The following SPOCK1 variants were observed in gnomAD, a reference collection of about 807,000 sequenced individuals.
SPOCK1 encodes the protein testican-1.
A neutral mutation model predicts 55.3 loss-of-function variants in SPOCK1; 23 were observed. The ratio of observed to expected loss-of-function variants is 0.42; its 90% CI spans 0.30 to 0.59. The LOEUF (loss-of-function observed/expected upper bound fraction) is 0.59, where lower values mean the gene tolerates loss of function less well. Ranked by LOEUF, SPOCK1 falls within the 20% of genes least tolerant of loss-of-function variation. The pLI is 0.22. For missense variants in SPOCK1, 499 were observed against 552.5 expected (o/e 0.90, Z 0.97); for synonymous variants, 226 against 221.0 (o/e 1.02, Z -0.20).
intron 9 of SPOCK1, among the ~76,000 whole-genome samples, chr5:136,983,811 T>C (rs1388506175): frequency 1.3e-5 from 2 of 152,244 alleles, no homozygotes; most frequent in South Asian, 4.1e-4. Context: ...GTAATCTCCA[T>C]ATGTGGGAAA....
chr5:137,131,313 AAAG>A (rs1580766982), intron 4 of SPOCK1, among the ~76,000 whole-genome samples: 1 of 152,270 alleles, frequency 6.6e-6, no homozygotes, highest in Non-Finnish European at 1.5e-5. Flanking sequence ...AACTTTTATA[AAAG>A]AAGATTATAT....
At chr5:137,417,952 C>G (rs1000180648) in intron 2 of SPOCK1, among the ~76,000 whole-genome samples, 9 of 152,138 alleles carry the variant, frequency 5.9e-5, no homozygotes, top group African/African-American at 2.2e-4. Flanking sequence ...TATTCCTCCC[C>G]CCTCCCGCTA....
chr5:137,436,088 G>A (rs1752858945), intron 2 of SPOCK1, among the ~76,000 whole-genome samples: 1 of 152,132 alleles, frequency 6.6e-6, no homozygotes, highest in Non-Finnish European at 1.5e-5. Context: ...AACCCAGGAG[G>A]TGGAGGTTGC....
intron 5 of SPOCK1, among the ~76,000 whole-genome samples, chr5:137,083,112 G>A (rs1467929278): frequency 1.3e-5 from 2 of 152,160 alleles, no homozygotes; most frequent in African/African-American, 4.8e-5. Flanking sequence ...CAATATGTGT[G>A]CTCCCGTTTT....
chr5:137,368,901 C>T (rs536325937), intron 2 of SPOCK1, among the ~76,000 whole-genome samples: 5 of 152,294 alleles, frequency 3.3e-5, no homozygotes, highest in African/African-American at 1.2e-4. Context: ...CACAGAGCAG[C>T]GGGGTTCGTG....
chr5:137,104,081 T>TA (rs1403063952), intron 5 of SPOCK1, among the ~76,000 whole-genome samples: 1 of 152,252 alleles, frequency 6.6e-6, no homozygotes, highest in African/African-American at 2.4e-5. Flanking sequence ...TGATATGGTT[T>TA]GGATCTGTGT....
At chr5:137,125,274 T>G (rs1753765842) in intron 4 of SPOCK1, among the ~76,000 whole-genome samples, 1 of 152,112 alleles carries the variant, frequency 6.6e-6, no homozygotes, top group African/African-American at 2.4e-5. Flanking sequence ...AAGAGTGAAC[T>G]AGTCATGCCC....
chr5:137,396,906 C>T (rs1185876706), intron 2 of SPOCK1, among the ~76,000 whole-genome samples: 3 of 152,082 alleles, frequency 2.0e-5, no homozygotes, highest in Non-Finnish European at 2.9e-5. Flanking sequence ...AAAAATATAA[C>T]ACTAAGAACT....
At chr5:137,073,452 C>A (rs533819981) in intron 5 of SPOCK1, among the ~76,000 whole-genome samples, 9 of 152,278 alleles carry the variant, frequency 5.9e-5, no homozygotes, top group African/African-American at 1.9e-4. Flanking sequence ...TTTGACTACA[C>A]TTGAGAAACA....
At chr5:137,390,212 C>A (rs760030342) in intron 2 of SPOCK1, among the ~76,000 whole-genome samples, 4 of 152,070 alleles carry the variant, frequency 2.6e-5, no homozygotes, top group African/African-American at 7.2e-5. Context: ...TCAAAAATCC[C>A]CTATGGTCTG....
chr5:137,146,710 T>G (rs1561626487), intron 3 of SPOCK1, among the ~76,000 whole-genome samples: 1 of 152,168 alleles, frequency 6.6e-6, no homozygotes, highest in Non-Finnish European at 1.5e-5. Context: ...GAATATAAAA[T>G]AGAAGATTCT....
Position 137,187,974 on chromosome 5 carries a change from G to A in SPOCK1, c.233-47280C>T, listed in dbSNP as rs559873627. 4.6e-5 allele frequency among the ~76,000 whole-genome samples: 7 copies of A among 152,256 alleles called. No homozygotes were observed. In the East Asian group the frequency reaches 1.4e-3, roughly 29 times the overall value. ...GGCTCAAGAACGGGAGTTTTTAGAA[G>A]GTTATCCTTCCACCCCTTGGAGCAA... On this transcript the variant is annotated intron_variant, in intron 3 of 10. Transcript: ENST00000394945.
At chr5:137,371,736 TAAG>T (rs1352911922) in intron 2 of SPOCK1, among the ~76,000 whole-genome samples, 2 of 152,202 alleles carry the variant, frequency 1.3e-5, no homozygotes, top group Non-Finnish European at 2.9e-5. Context: ...CCCTGGATGA[TAAG>T]ATGATGATGA....
intron 2 of SPOCK1, among the ~76,000 whole-genome samples, chr5:137,323,315 G>C (rs1380809709): frequency 1.3e-5 from 2 of 152,162 alleles, no homozygotes; most frequent in African/African-American, 4.8e-5. Flanking sequence ...GGATGGAAGT[G>C]AAAGGGTGGA....
At chr5:137,278,822 G>A (rs866153640) in intron 2 of SPOCK1, among the ~76,000 whole-genome samples, 3 of 152,150 alleles carry the variant, frequency 2.0e-5, no homozygotes, top group East Asian at 1.9e-4. Flanking sequence ...TGGACAAGAC[G>A]GATGGTCCAG....
At chr5:137,296,800 G>T (rs1757495833) in intron 2 of SPOCK1, among the ~76,000 whole-genome samples, 1 of 152,210 alleles carries the variant, frequency 6.6e-6, no homozygotes, top group African/African-American at 2.4e-5. Flanking sequence ...ACAGGTGGGA[G>T]ACTGGGGACT....
rs941391229 is a variant in SPOCK1, at chr5:136,977,915, T to A, written c.*739A>T. The A allele has an allele frequency of 1.0e-5, 4 of 393,696 alleles. No individual in the cohort carries two copies. The highest frequency in any genetic ancestry group is 8.3e-5 in the African/African-American group (4 of 48,400). 24.4% of individuals were successfully genotyped at this position (393,696 alleles called of 1,614,324 possible). ...AAGCTGAGAAATTTATCATTGTTTTTCGAGTTTTTAAGATACCCAAACACT... is the reference window on the plus strand; with the variant it reads ...AAGCTGAGAAATTTATCATTGTTTTACGAGTTTTTAAGATACCCAAACACT... On this transcript the variant is annotated 3_prime_UTR_variant, in exon 11 of 11. Coordinates refer to ENST00000394945, the MANE Select transcript of SPOCK1 (RefSeq NM_004598.4).
chr5:137,168,913 A>G lies in SPOCK1; in HGVS notation c.233-28219T>C, dbSNP rs1222547634. On this transcript the variant is annotated intron_variant, in intron 3 of 10. Coordinates refer to ENST00000394945, the MANE Select transcript of SPOCK1 (RefSeq NM_004598.4). The stretch of plus-strand genomic sequence containing the variant: ...TGTGCACTCTCATGTTTATTGCAGC[A>G]TTATACACAATAGCCAGGATTTGAA... 2.0e-5 allele frequency among the ~76,000 whole-genome samples: 3 copies of G among 152,356 alleles called. No individual in the cohort carries two copies. In the East Asian group the frequency reaches 5.8e-4, roughly 29 times the overall value.
chr5:137,061,317 C>G (rs994976900), intron 6 of SPOCK1, among the ~76,000 whole-genome samples: 32 of 152,208 alleles, frequency 2.1e-4, no homozygotes, highest in African/African-American at 7.7e-4. Context: ...CCTCCTGTTC[C>G]CTTTTATCCA....
Sources: allele counts gnomAD v4.1 joint callset (sites outside exome capture counted in the v4.1 genomes callset), GRCh38; gene constraint gnomAD v4.1.1; transcripts MANE v1.5; gene names NCBI Gene and HGNC (gene_info 2026-07-23, HGNC 2026-07-21).